ANKRD42: variants seen among roughly 807,000 people sequenced by gnomAD.
The protein encoded by ANKRD42 is ankyrin repeat domain-containing protein 42.
ANKRD42 carries 43 observed loss-of-function variants against 51.5 expected under a neutral mutation model. The observed-to-expected ratio is 0.83, with a 90% CI of 0.65 to 1.08. The LOEUF (loss-of-function observed/expected upper bound fraction) is 1.08, where lower values mean the gene tolerates loss of function less well. Ranked by LOEUF, ANKRD42 falls within the 50% of genes least tolerant of loss-of-function variation. The pLI, the probability that ANKRD42 is intolerant of heterozygous loss-of-function variation, is 0.00. For missense variants in ANKRD42, 608 were observed against 629.3 expected (o/e 0.97, Z 0.36); for synonymous variants, 203 against 213.0 (o/e 0.95, Z 0.41).
chr11:83,243,613 T>C (rs1334790772), intron 9 of ANKRD42, among the ~76,000 whole-genome samples: 1 of 152,232 alleles, frequency 6.6e-6, no homozygotes, highest in Non-Finnish European at 1.5e-5. Context: ...TTCCCAAACC[T>C]GTCTGCCCTT....
intron 1 of ANKRD42, among the ~76,000 whole-genome samples, chr11:83,195,890 G>C (rs964922889): frequency 7.2e-6 from 1 of 138,088 alleles, no homozygotes; most frequent in East Asian, 2.1e-4. Flanking sequence ...TGTCCCCCAT[G>C]CTGGAGTGCA....
chr11:83,197,359 A>G (rs1032823562), intron 1 of ANKRD42, among the ~76,000 whole-genome samples: 1 of 152,246 alleles, frequency 6.6e-6, no homozygotes. Context: ...TGCCTGACTC[A>G]TGGTAGATGT....
At chr11:83,209,905 C>T in intron 3 of ANKRD42, 1 of 408,152 alleles carries the variant, frequency 2.5e-6, no homozygotes, top group Non-Finnish European at 4.5e-6. Context: ...CCAGAATACA[C>T]TTGGCAGATG....
At chr11:83,202,167 A>T (rs770669122) in intron 2 of ANKRD42, among the ~76,000 whole-genome samples, 2 of 152,088 alleles carry the variant, frequency 1.3e-5, no homozygotes, top group Non-Finnish European at 2.9e-5. Context: ...ATTAATTTTT[A>T]TATAAGGCTT....
intron 8 of ANKRD42, among the ~76,000 whole-genome samples, chr11:83,239,333 A>G (rs564835012): frequency 1.3e-5 from 2 of 152,250 alleles, no homozygotes; most frequent in African/African-American, 4.8e-5. Context: ...TTTCAGATAT[A>G]TACTTTGCAA....
intron 2 of ANKRD42, among the ~76,000 whole-genome samples, chr11:83,202,651 G>A (rs1308192101): frequency 6.6e-6 from 1 of 152,138 alleles, no homozygotes; most frequent in Non-Finnish European, 1.5e-5. Context: ...ATCCAGGTCA[G>A]TCAGTACCCA....
chr11:83,204,010 T>C (rs1400170802), intron 2 of ANKRD42, among the ~76,000 whole-genome samples: 1 of 152,148 alleles, frequency 6.6e-6, no homozygotes, highest in East Asian at 1.9e-4. Context: ...TGGCATGATC[T>C]CGGCTCACTG....
At chr11:83,203,953 C>G (rs1238774017) in intron 2 of ANKRD42, among the ~76,000 whole-genome samples, 1 of 152,002 alleles carries the variant, frequency 6.6e-6, no homozygotes, top group Non-Finnish European at 1.5e-5. Flanking sequence ...TCTCTCTTTT[C>G]TCTTTTCAAG....
At chr11:83,239,928 A>G (rs1454933540) in intron 8 of ANKRD42, among the ~76,000 whole-genome samples, 1 of 152,212 alleles carries the variant, frequency 6.6e-6, no homozygotes, top group Non-Finnish European at 1.5e-5. Context: ...ATTACAACCT[A>G]GTCGTAGACT....
At position 83,248,336 on chromosome 11, in the gene ANKRD42, C is replaced by T; in HGVS notation, c.*132C>T. ...ACACACACACACACACACACACACA[C>T]TCTATATGTAACTATAACTTTCTAG... On this transcript the variant is annotated 3_prime_UTR_variant, in exon 11 of 11. Coordinates refer to ENST00000533342, the MANE Select transcript of ANKRD42 (RefSeq NM_001300975.2). 7.7e-7 allele frequency: 1 copy of T among 1,301,078 alleles called. No individual in the cohort carries two copies. The highest frequency in any genetic ancestry group is 9.8e-7 in the Non-Finnish European group (1 of 1,025,404). The allele number at this position is 1,301,078 out of a possible 1,614,324, so 80.6% of individuals were successfully genotyped here.
At chr11:83,242,551 G>A (rs941976689) in intron 9 of ANKRD42, among the ~76,000 whole-genome samples, 3 of 114,128 alleles carry the variant, frequency 2.6e-5, no homozygotes, top group South Asian at 3.0e-4. Context: ...TGGGGAATTC[G>A]GTGAATGGTA....
At chr11:83,236,366 TG>T in intron 7 of ANKRD42, 37 bp from the exon 8 acceptor site, 1 of 1,540,202 alleles carries the variant, frequency 6.5e-7, no homozygotes, top group Non-Finnish European at 8.8e-7. Flanking sequence ...CTAACTTTTT[TG>T]TGTGTAATTC....
In ANKRD42 at chr11:83,247,118, GA is replaced by G. The variant is rs1863563611; in HGVS notation, c.1323-824del. On this transcript the variant is annotated intron_variant, in intron 10 of 10. Coordinates refer to ENST00000533342, the MANE Select transcript of ANKRD42 (RefSeq NM_001300975.2). ...ACTGTTTGAAGTGTTTTGAGATGTA[GA>G]TTTTTTTTTTTTTAGTGTTAGCCTT... is the stretch of plus-strand genomic sequence containing the variant. Among the ~76,000 whole-genome samples the G allele has an allele frequency of 2.2e-5, 3 of 136,712 alleles. No individual in the cohort carries two copies. In the South Asian group the frequency reaches 6.9e-4, roughly 31 times the overall value. 89.7% of individuals were successfully genotyped at this position (136,712 alleles called of 152,430 possible).
chr11:83,227,919 T>G (rs748607846), intron 7 of ANKRD42, 47 bp downstream of exon 7: 14 of 1,538,592 alleles, frequency 9.1e-6, no homozygotes, highest in Non-Finnish European at 1.2e-5. Flanking sequence ...AGCTGCTGAG[T>G]TATTCATCTT....
Position 83,210,027 on chromosome 11 carries a change from C to G in ANKRD42, c.331-273C>G, listed in dbSNP as rs565583164. The G allele has an allele frequency of 6.9e-5, 25 of 359,856 alleles. No homozygotes were observed. The East Asian group carries it at 1.4e-3, about 19-fold the overall frequency. The allele number at this position is 359,856 out of a possible 1,614,324, so 22.3% of individuals were successfully genotyped here. On this transcript the variant is annotated intron_variant, in intron 3 of 10. Transcript: ENST00000533342. ...TATGGCAACTTGAGAATTTATGTTTCAGTGTACTGGAAACTTTCCATTTTA... is the reference window on the plus strand; with the variant it reads ...TATGGCAACTTGAGAATTTATGTTTGAGTGTACTGGAAACTTTCCATTTTA...
chr11:83,251,796 A>C (rs1014175046), downstream of ANKRD42, among the ~76,000 whole-genome samples: 1 of 152,236 alleles, frequency 6.6e-6, no homozygotes, highest in Non-Finnish European at 1.5e-5. Flanking sequence ...ATGTTACACT[A>C]TAAGTTCAAA....
intron 5 of ANKRD42, among the ~76,000 whole-genome samples, chr11:83,223,070 G>A (rs1300942142): frequency 6.6e-6 from 1 of 152,134 alleles, no homozygotes; most frequent in African/African-American, 2.4e-5. Flanking sequence ...GGCCAACATG[G>A]TGAAACCCGT....
chr11:83,202,096 G>A (rs1294918260), intron 2 of ANKRD42, among the ~76,000 whole-genome samples: 2 of 152,182 alleles, frequency 1.3e-5, no homozygotes, highest in African/African-American at 2.4e-5. Flanking sequence ...GTATTGCCTA[G>A]TTTTTCTTCT....
intron 7 of ANKRD42, among the ~76,000 whole-genome samples, chr11:83,233,423 T>A (rs1483970068): frequency 6.6e-6 from 1 of 152,144 alleles, no homozygotes; most frequent in East Asian, 1.9e-4. Flanking sequence ...GCAGTATCAG[T>A]TGTAATGTCT....
Sources: gnomAD v4.1 joint callset for allele counts (sites outside exome capture counted in the v4.1 genomes callset) on GRCh38, gnomAD v4.1.1 for gene constraint, MANE v1.5 for transcripts, NCBI Gene and HGNC (gene_info 2026-07-23, HGNC 2026-07-21) for gene names.